Variants in LRRK2 observed in about 807,000 individuals in gnomAD.
The protein encoded by LRRK2 is leucine rich repeat kinase 2.
LRRK2 carries 203 observed loss-of-function variants against 302.6 expected under a neutral mutation model. That is an observed-to-expected ratio of 0.67 (90% CI 0.60 to 0.75). The LOEUF (loss-of-function observed/expected upper bound fraction) is 0.75. Among genes scored for constraint, LRRK2 ranks in the 30% least tolerant of loss-of-function variants. The pLI is 0.00. For synonymous variants in LRRK2, 1,066 were observed against 1,031.9 expected (o/e 1.03, Z -0.63); for missense variants, 2,830 against 2,951.0 (o/e 0.96, Z 0.95).
intron 8 of LRRK2, 71 bp from the exon 9 acceptor site, chr12:40,251,161 C>T: frequency 9.5e-7 from 1 of 1,051,060 alleles, no homozygotes; most frequent in Non-Finnish European, 1.4e-6. Context: ...AAAATATGGA[C>T]TTAGAGTTGG....
intron 2 of LRRK2, among the ~76,000 whole-genome samples, chr12:40,230,881 T>C (rs1941147149): frequency 6.6e-6 from 1 of 152,090 alleles, no homozygotes; most frequent in African/African-American, 2.4e-5. Context: ...AGTGAAGATA[T>C]ACTTAAAATG....
At chr12:40,236,701 A>T (rs1054794220) in intron 4 of LRRK2, among the ~76,000 whole-genome samples, 8 of 152,158 alleles carry the variant, frequency 5.3e-5, no homozygotes, top group Admixed American at 2.0e-4. Flanking sequence ...TCCTGCTAAG[A>T]GATGTAAAGA....
At chr12:40,233,605 G>T (rs1941301643) in intron 3 of LRRK2, among the ~76,000 whole-genome samples, 1 of 152,158 alleles carries the variant, frequency 6.6e-6, no homozygotes, top group Non-Finnish European at 1.5e-5. Context: ...CAGTTCTAAA[G>T]TATACAGCAT....
intron 18 of LRRK2, among the ~76,000 whole-genome samples, chr12:40,281,342 C>G (rs1442131415): frequency 1.3e-5 from 2 of 152,132 alleles, no homozygotes; most frequent in Non-Finnish European, 2.9e-5. Flanking sequence ...CTCCACAGTG[C>G]CTGCTTTAAT....
chr12:40,273,837 G>A (rs1002832817), intron 14 of LRRK2, among the ~76,000 whole-genome samples: 7 of 152,110 alleles, frequency 4.6e-5, no homozygotes, highest in African/African-American at 1.4e-4. Flanking sequence ...GGTATGCTGC[G>A]TTTTCTTCTT....
intron 25 of LRRK2, among the ~76,000 whole-genome samples, chr12:40,302,210 AT>A (rs1023792274): frequency 6.6e-6 from 1 of 152,056 alleles, no homozygotes; most frequent in African/African-American, 2.4e-5. Context: ...ATAATAAAAA[AT>A]AAAAAAATCA....
At chr12:40,353,769 G>T (rs1946442753) in intron 44 of LRRK2, among the ~76,000 whole-genome samples, 1 of 152,372 alleles carries the variant, frequency 6.6e-6, no homozygotes, top group African/African-American at 2.4e-5. Flanking sequence ...ATCACTCGCG[G>T]TTAGGAGCTG....
intron 41 of LRRK2, among the ~76,000 whole-genome samples, chr12:40,342,603 C>T (rs919175): frequency 0.77 from 116,590 of 151,750 alleles, 45,630 homozygotes; most frequent in Non-Finnish European, 0.86. Context: ...ACAATAACTC[C>T]CACTCCTGCT....
intron 8 of LRRK2, 130 bp downstream of exon 8, chr12:40,250,075 C>T (rs778788996): frequency 2.1e-5 from 24 of 1,124,326 alleles, no homozygotes; most frequent in African/African-American, 9.3e-5. Flanking sequence ...GCTCATTTTC[C>T]AGTAGAGGAT....
chr12:40,298,296 TC>T lies in LRRK2; in HGVS notation c.3152del (p.Pro1051LeufsTer5). On this transcript the variant is annotated frameshift_variant, in exon 24 of 51. Coordinates refer to ENST00000298910, the MANE Select transcript of LRRK2 (RefSeq NM_198578.4). LOFTEE classifies it high-confidence loss of function. ...TGCACAGTAATAAATTTACATCATT[TC>T]CTTCTTATTTGTTGAAAATGAGTTG... ...DLHSNKFTSF[P>X]SYLLKMSCIA... 1 of 1,613,824 alleles carries T rather than the reference TC, an allele frequency of 6.2e-7. No homozygotes were observed. The highest frequency in any genetic ancestry group is 8.5e-7 in the Non-Finnish European group (1 of 1,179,856).
intron 40 of LRRK2, among the ~76,000 whole-genome samples, chr12:40,336,775 TG>T (rs1945885639): frequency 6.6e-6 from 1 of 152,224 alleles, no homozygotes; most frequent in South Asian, 2.1e-4. Context: ...GGGGGAATCT[TG>T]GGTTACATTA....
chr12:40,281,048 A>T lies in LRRK2; in HGVS notation c.2241+2787A>T, dbSNP rs182016949. On this transcript the variant is annotated intron_variant, in intron 18 of 50. Transcript: ENST00000298910. ...GCGCCACTGCACTGCAGCCTGGGCG[A>T]CAGAGTGAGACTCCGTCTCAAAAAA... 1.2e-3 allele frequency among the ~76,000 whole-genome samples: 184 copies of T among 148,750 alleles called. 1 individual carries two copies. Among genetic ancestry groups the T allele is most frequent in the African/African-American group, 4.1e-3 (164 of 40,262 alleles).
rs79074615 is a variant in LRRK2, at chr12:40,359,211, C to T, written c.6844-49C>T. 45,397 of 1,495,130 alleles carry T rather than the reference C, an allele frequency of 0.03. 835 individuals carry two copies. Among genetic ancestry groups the T allele is most frequent in the Non-Finnish European group, 0.036 (39,557 of 1,087,432 alleles). 92.6% of individuals were successfully genotyped at this position (1,495,130 alleles called of 1,614,324 possible). Reference sequence around the variant, plus strand: ...AGCACAGATTTTATGGAGTTTTGTTCTGTGGATACTCAATTTGCTGAGTGT... The same window carrying T: ...AGCACAGATTTTATGGAGTTTTGTTTTGTGGATACTCAATTTGCTGAGTGT... On this transcript the variant is annotated intron_variant, in intron 46 of 50. Transcript: ENST00000298910.
Position 40,308,564 on chromosome 12 carries a change from C to G in LRRK2, c.4057C>G (p.Gln1353Glu). The change falls in exon 29 of 51, where the codon CAA becomes GAA. Residue 1353 changes from glutamine to glutamate, a missense_variant. Transcript: ENST00000298910. ...TGSGKTTLLQ[Q>E]LMKTKKSDLG... ...GAGTGGTAAAACCACCTTATTGCAGCAATTAATGAAAACCAAGAAATCAGA... is the reference window on the plus strand; with the variant it reads ...GAGTGGTAAAACCACCTTATTGCAGGAATTAATGAAAACCAAGAAATCAGA... 6.2e-7 allele frequency: 1 copy of G among 1,613,964 alleles called. No homozygotes were observed. The highest frequency in any genetic ancestry group is 8.5e-7 in the Non-Finnish European group (1 of 1,179,930).
intron 49 of LRRK2, chr12:40,365,817 C>T (rs1184331173): frequency 6.6e-6 from 1 of 151,714 alleles, no homozygotes; most frequent in African/African-American, 2.4e-5. Flanking sequence ...TTTCTAGCAC[C>T]TTCACCTATT....
intron 40 of LRRK2, among the ~76,000 whole-genome samples, chr12:40,336,908 GT>G (rs1444961711): frequency 6.6e-6 from 1 of 152,134 alleles, no homozygotes; most frequent in Non-Finnish European, 1.5e-5. Flanking sequence ...TATTTATAAA[GT>G]GAAGAATTGC....
intron 11 of LRRK2, among the ~76,000 whole-genome samples, chr12:40,254,770 T>A (rs1942426954): frequency 6.6e-6 from 1 of 152,194 alleles, no homozygotes; most frequent in South Asian, 2.1e-4. Context: ...TGTTCAGTTT[T>A]CTGCTCTTTC....
Position 40,287,421 on chromosome 12 carries a change from C to A in LRRK2, c.2571C>A (p.Ala857=). The A allele has an allele frequency of 6.2e-7, 1 of 1,612,678 alleles. No individual in the cohort carries two copies. Among genetic ancestry groups the A allele is most frequent in the Non-Finnish European group, 8.5e-7 (1 of 1,179,080 alleles). Residue 857 remains alanine (A), a synonymous_variant, in exon 20 of 51, where the codon GCC becomes GCA. Coordinates refer to ENST00000298910, the MANE Select transcript of LRRK2 (RefSeq NM_198578.4). ...AAAGTGCTGTGGAAGAAGGAACAGC[C>A]TCAGGCAGCGATGGAAATTTTTCTG... The part of the protein sequence containing the change: ...QMKSAVEEGT[A]SGSDGNFSED...
At position 40,287,510 on chromosome 12, in the gene LRRK2, T is replaced by C; in HGVS notation, c.2660T>C (p.Phe887Ser). 6.2e-7 allele frequency: 1 copy of C among 1,612,604 alleles called. No homozygotes were observed. Among genetic ancestry groups the C allele is most frequent in the South Asian group, 1.1e-5 (1 of 91,060 alleles). The change falls in exon 20 of 51, where the codon TTT becomes TCT. Residue 887 changes from phenylalanine to serine, a missense_variant. By Grantham distance (155) the Phe-to-Ser change is radical. Coordinates refer to ENST00000298910, the MANE Select transcript of LRRK2 (RefSeq NM_198578.4). Reference sequence around the variant, plus strand: ...CCTGACTCTTCTATGGACAGTGTGTTTGCTCAAAGTGATGACCTGGATAGT... The same window carrying C: ...CCTGACTCTTCTATGGACAGTGTGTCTGCTCAAAGTGATGACCTGGATAGT... ...FIPDSSMDSV[F>S]AQSDDLDSEG...
Sources: gnomAD v4.1 joint callset for allele counts (sites outside exome capture counted in the v4.1 genomes callset) on GRCh38, gnomAD v4.1.1 for gene constraint, MANE v1.5 for transcripts, NCBI Gene and HGNC (gene_info 2026-07-23, HGNC 2026-07-21) for gene names.